CAPZB: variants seen among roughly 807,000 people sequenced by gnomAD.
CAPZB encodes the protein capping actin protein of muscle Z-line subunit beta.
Under a neutral mutation model 38.1 loss-of-function variants are expected in CAPZB, and 2 were observed. The ratio of observed to expected loss-of-function variants is 0.05; its 90% CI spans 0.02 to 0.17. The LOEUF is 0.17. Ranked by LOEUF, CAPZB falls within the 10% of genes least tolerant of loss-of-function variation. CAPZB has a pLI of 1.00. For synonymous variants in CAPZB, 107 were observed against 127.4 expected (o/e 0.84, Z 1.08); for missense variants, 161 against 334.2 (o/e 0.48, Z 4.04).
At chr1:19,485,325 C>T (rs2094647559) in intron 1 of CAPZB, 111 bp downstream of exon 1, 3 of 745,322 alleles carry the variant, frequency 4.0e-6, no homozygotes, top group Non-Finnish European at 3.7e-6. Flanking sequence ...GGGACCCCGC[C>T]CCTCCCCCAC....
chr1:19,342,163 G>A (rs1347663545), intron 8 of CAPZB, among the ~76,000 whole-genome samples: 4 of 152,238 alleles, frequency 2.6e-5, no homozygotes, highest in African/African-American at 7.2e-5. Context: ...GGTTGTGGCC[G>A]AGTCGGCACT....
At chr1:19,482,715 T>C (rs2094634124) in intron 1 of CAPZB, among the ~76,000 whole-genome samples, 1 of 152,248 alleles carries the variant, frequency 6.6e-6, no homozygotes, top group African/African-American at 2.4e-5. Flanking sequence ...CTCAAGTCAC[T>C]ATTTCCCTCA....
intron 1 of CAPZB, among the ~76,000 whole-genome samples, chr1:19,428,913 G>A (rs916683898): frequency 2.0e-5 from 3 of 151,998 alleles, no homozygotes; most frequent in African/African-American, 7.2e-5. Context: ...TACATTCAAC[G>A]CCCAGCATCC....
chr1:19,369,551 C>A (rs957749979), intron 4 of CAPZB, among the ~76,000 whole-genome samples: 1 of 152,216 alleles, frequency 6.6e-6, no homozygotes, highest in African/African-American at 2.4e-5. Context: ...GCTGAAGACA[C>A]AAACATGTTC....
chr1:19,354,296 TC>T (rs965945601), intron 6 of CAPZB, among the ~76,000 whole-genome samples: 1 of 152,140 alleles, frequency 6.6e-6, no homozygotes, highest in Non-Finnish European at 1.5e-5. Context: ...ACCCTTCGCC[TC>T]CCATCCAAAC....
chr1:19,401,132 A>C (rs1222136843), intron 2 of CAPZB, among the ~76,000 whole-genome samples: 2 of 152,168 alleles, frequency 1.3e-5, no homozygotes, highest in Non-Finnish European at 2.9e-5. Context: ...GTTTAAAAAA[A>C]GACCAGAGAG....
Position 19,356,350 on chromosome 1 carries a change from G to A in CAPZB, c.588+285C>T, listed in dbSNP as rs2094020752. ...AGCACCACTTCTCACAGCACAACAT[G>A]AGCTGAAGCATGGGGATGTGCGGGG... On this transcript the variant is annotated intron_variant, in intron 6 of 8. Transcript: ENST00000264202. The surrounding 1 kb of genome is among the most constrained non-coding windows in gnomAD (Gnocchi z 4.3). Among the ~76,000 whole-genome samples, 1 of 152,114 alleles carries A rather than the reference G, an allele frequency of 6.6e-6. No homozygotes were observed. The highest frequency in any genetic ancestry group is 1.5e-5 in the Non-Finnish European group (1 of 68,028).
intron 1 of CAPZB, among the ~76,000 whole-genome samples, chr1:19,428,040 C>T (rs1042348334): frequency 2.6e-5 from 4 of 152,220 alleles, no homozygotes; most frequent in Non-Finnish European, 4.4e-5. Context: ...GTGGATGACC[C>T]ACCAGCCAGA....
intron 3 of CAPZB, among the ~76,000 whole-genome samples, chr1:19,382,505 G>T (rs898828786): frequency 1.3e-5 from 2 of 152,154 alleles, no homozygotes; most frequent in Non-Finnish European, 2.9e-5. Context: ...ACACAGTCAG[G>T]ATGGAAATCT....
intron 2 of CAPZB, among the ~76,000 whole-genome samples, chr1:19,405,252 G>A (rs757390129): frequency 1.3e-5 from 2 of 152,122 alleles, no homozygotes; most frequent in Non-Finnish European, 2.9e-5. Flanking sequence ...ATGTGGCCAG[G>A]CACTGTGTTA....
intron 1 of CAPZB, among the ~76,000 whole-genome samples, chr1:19,428,942 C>T (rs560177529): frequency 5.3e-5 from 8 of 152,292 alleles, no homozygotes; most frequent in African/African-American, 1.2e-4. Context: ...CCATTATTTT[C>T]GAGGACTGGT....
chr1:19,484,895 A>AT (rs2094645420), intron 1 of CAPZB, among the ~76,000 whole-genome samples: 1 of 152,146 alleles, frequency 6.6e-6, no homozygotes, highest in South Asian at 2.1e-4. Flanking sequence ...GCCACGGAGA[A>AT]GAGGGGAAGC....
chr1:19,379,328 G>T (rs1313521480), intron 3 of CAPZB, among the ~76,000 whole-genome samples: 1 of 152,072 alleles, frequency 6.6e-6, no homozygotes, highest in African/African-American at 2.4e-5. Flanking sequence ...CAAACTCCTG[G>T]CCTCAAGTAA....
Position 19,356,659 on chromosome 1 carries a change from G to A in CAPZB, c.564C>T (p.Asn188=). Residue 188 remains asparagine, a synonymous_variant, in exon 6 of 9, where the codon AAC becomes AAT. Transcript: ENST00000264202. The surrounding 1 kb of genome is among the most constrained non-coding windows in gnomAD (Gnocchi z 4.3). ...QTNKSGSGTM[N]LGGSLTRQME... is the part of the protein sequence containing the mutation. The stretch of plus-strand genomic sequence containing the variant: ...CCTGTCTGGTAAGGCTGCCTCCGAG[G>A]TTCATGGTGCCAGAGCCAGATTTGT... The A allele has an allele frequency of 6.2e-7, 1 of 1,613,834 alleles. No individual in the cohort carries two copies. The highest frequency in any genetic ancestry group is 1.1e-5 in the South Asian group (1 of 91,084).
At position 19,428,396 on chromosome 1, in the gene CAPZB, G is replaced by A. The variant is rs1414025909; in HGVS notation, c.4-8646C>T. On this transcript the variant is annotated intron_variant, in intron 1 of 8. Transcript: ENST00000264202. ...CCAGCCTGGGTGACAGAGTGAGACT[G>A]TCCCACACCCTCCCCCCACCTGCCA... Among the ~76,000 whole-genome samples the A allele has an allele frequency of 4.7e-5, 7 of 150,420 alleles. No homozygotes were observed. The East Asian group carries it at 1.4e-3, about 29-fold the overall frequency.
intron 6 of CAPZB, among the ~76,000 whole-genome samples, chr1:19,353,298 G>C (rs2094001938): frequency 6.6e-6 from 1 of 152,156 alleles, no homozygotes; most frequent in Non-Finnish European, 1.5e-5. Flanking sequence ...TGTGAGCGTG[G>C]GTGACCTGGA....
chr1:19,375,964 C>CACGT (rs2094142515), intron 4 of CAPZB, among the ~76,000 whole-genome samples: 1 of 152,126 alleles, frequency 6.6e-6, no homozygotes, highest in African/African-American at 2.4e-5. Context: ...AACCATACAC[C>CACGT]ATGTATCATT....
At chr1:19,405,819 G>A (rs1302134864) in intron 2 of CAPZB, among the ~76,000 whole-genome samples, 1 of 152,178 alleles carries the variant, frequency 6.6e-6, no homozygotes, top group Non-Finnish European at 1.5e-5. Flanking sequence ...GCCACCATCT[G>A]GAACATCAAT....
intron 2 of CAPZB, among the ~76,000 whole-genome samples, chr1:19,408,319 T>A (rs1405833224): frequency 1.3e-5 from 2 of 152,206 alleles, no homozygotes; most frequent in Non-Finnish European, 2.9e-5. Flanking sequence ...TCCACTCACA[T>A]CTGCAGTTTA....
Sources: gnomAD v4.1 joint callset for allele counts (sites outside exome capture counted in the v4.1 genomes callset) on GRCh38, gnomAD v4.1.1 for gene constraint, Gnocchi (gnomAD v3.1) non-coding constraint, MANE v1.5 for transcripts, NCBI Gene and HGNC (gene_info 2026-07-23, HGNC 2026-07-21) for gene names.